Variants in EPHB1 observed in about 807,000 individuals in gnomAD.
EPHB1 encodes the protein EPH receptor B1.
EPHB1 carries 30 observed loss-of-function variants against 94.4 expected under a neutral mutation model. That is an observed-to-expected ratio of 0.32 (90% CI 0.24 to 0.43). The LOEUF (loss-of-function observed/expected upper bound fraction) is 0.43, where lower values mean the gene tolerates loss of function less well. Ranked by LOEUF, EPHB1 falls within the 20% of genes least tolerant of loss-of-function variation. The pLI is 1.00. For missense variants in EPHB1, 1,055 were observed against 1,308.3 expected (o/e 0.81, Z 2.99); for synonymous variants, 522 against 489.1 (o/e 1.07, Z -0.89).
chr3:134,879,140 G>T (rs1462141626), intron 1 of EPHB1, among the ~76,000 whole-genome samples: 6 of 152,168 alleles, frequency 3.9e-5, no homozygotes, highest in South Asian at 2.1e-4. Flanking sequence ...CTCCCCTTTT[G>T]CAGGAGGCGT....
At chr3:135,091,104 T>C (rs1938534507) in intron 3 of EPHB1, among the ~76,000 whole-genome samples, 1 of 152,250 alleles carries the variant, frequency 6.6e-6, no homozygotes, top group African/African-American at 2.4e-5. Flanking sequence ...AGAATGCAGC[T>C]CTTCCCTGAT....
chr3:134,933,382 C>T (rs1320526311), intron 2 of EPHB1, among the ~76,000 whole-genome samples: 1 of 152,176 alleles, frequency 6.6e-6, no homozygotes, highest in Non-Finnish European at 1.5e-5. Flanking sequence ...GCTTGAATCC[C>T]TCTCATGCTC....
At chr3:134,902,500 A>G (rs779561916) in intron 1 of EPHB1, among the ~76,000 whole-genome samples, 7 of 152,236 alleles carry the variant, frequency 4.6e-5, no homozygotes, top group East Asian at 1.9e-4. Flanking sequence ...GCATTTTAAT[A>G]TATGCAATAA....
At position 135,131,981 on chromosome 3, in the gene EPHB1, T is replaced by G. The variant is rs574303113; in HGVS notation, c.962-733T>G. ...TCCCCTTTCTATTAAATTGAGATAA[T>G]TATTTTATCTTCCTGGTAGGGGTCT... On this transcript the variant is annotated intron_variant, in intron 4 of 15. Transcript: ENST00000398015. Among the ~76,000 whole-genome samples, 18 of 152,292 alleles carry G rather than the reference T, an allele frequency of 1.2e-4. No homozygotes were observed. The East Asian group carries it at 3.5e-3, about 29-fold the overall frequency.
At chr3:134,931,907 GTATA>G (rs2038911818) in intron 2 of EPHB1, among the ~76,000 whole-genome samples, 1 of 152,014 alleles carries the variant, frequency 6.6e-6, no homozygotes, top group Admixed American at 6.6e-5. Flanking sequence ...TGTATATAGT[GTATA>G]TATGTATATG....
At chr3:135,067,243 T>A (rs542107006) in intron 3 of EPHB1, among the ~76,000 whole-genome samples, 1 of 151,878 alleles carries the variant, frequency 6.6e-6, no homozygotes, top group African/African-American at 2.4e-5. Context: ...GGGAAGGGGG[T>A]GCCTAGAACT....
chr3:135,042,769 C>T (rs1329181097), intron 3 of EPHB1, among the ~76,000 whole-genome samples: 1 of 152,228 alleles, frequency 6.6e-6, no homozygotes, highest in Non-Finnish European at 1.5e-5. Context: ...CATTATCCAA[C>T]TGATCACAGG....
At chr3:135,058,196 T>G (rs931422252) in intron 3 of EPHB1, among the ~76,000 whole-genome samples, 3 of 152,222 alleles carry the variant, frequency 2.0e-5, no homozygotes, top group Admixed American at 6.5e-5. Context: ...GGATGGTGCA[T>G]TCTGTCTGCC....
intron 4 of EPHB1, among the ~76,000 whole-genome samples, chr3:135,114,536 C>CCAAAAAA (rs1939595562): frequency 5.0e-5 from 1 of 19,908 alleles, no homozygotes; most frequent in African/African-American, 3.5e-4. Context: ...CCTGTCTCTA[C>CCAAAAAA]TAAAAAAAAA....
intron 3 of EPHB1, among the ~76,000 whole-genome samples, chr3:135,017,345 A>G (rs138873446): frequency 5.2e-5 from 8 of 152,388 alleles, no homozygotes; most frequent in African/African-American, 1.9e-4. Flanking sequence ...AGGGGAAATC[A>G]GATTTATCCT....
chr3:134,986,167 C>T (rs1230971381), intron 3 of EPHB1, among the ~76,000 whole-genome samples: 1 of 152,180 alleles, frequency 6.6e-6, no homozygotes, highest in African/African-American at 2.4e-5. Flanking sequence ...ATTCCACAAG[C>T]ACCGGGAGTG....
intron 9 of EPHB1, 112 bp from the exon 10 acceptor site, chr3:135,179,748 G>A: frequency 4.6e-6 from 6 of 1,304,632 alleles, no homozygotes; most frequent in Non-Finnish European, 5.3e-6. Context: ...TTGCAGCCTG[G>A]TGTGTAGGAG....
chr3:135,051,457 TAAC>T (rs1264215961), intron 3 of EPHB1, among the ~76,000 whole-genome samples: 5 of 152,354 alleles, frequency 3.3e-5, no homozygotes, highest in African/African-American at 1.2e-4. Context: ...ACTCTATTAA[TAAC>T]TTATTCCTTG....
At chr3:135,126,335 C>T (rs1940205212) in intron 4 of EPHB1, among the ~76,000 whole-genome samples, 1 of 152,082 alleles carries the variant, frequency 6.6e-6, no homozygotes, top group Admixed American at 6.6e-5. Context: ...CTGGCTTATT[C>T]CCAGACCCCA....
intron 1 of EPHB1, among the ~76,000 whole-genome samples, chr3:134,854,793 G>T (rs1462230593): frequency 2.0e-5 from 3 of 152,042 alleles, no homozygotes; most frequent in African/African-American, 7.2e-5. Flanking sequence ...ATGTCTTTAC[G>T]CTTGGTTTGG....
At chr3:134,977,149 T>G (rs1218039501) in intron 3 of EPHB1, among the ~76,000 whole-genome samples, 1 of 152,154 alleles carries the variant, frequency 6.6e-6, no homozygotes, top group Non-Finnish European at 1.5e-5. Flanking sequence ...CCACCCACAA[T>G]GTACACTAGA....
chr3:134,800,687 C>T (rs1473945243), intron 1 of EPHB1, among the ~76,000 whole-genome samples: 5 of 152,188 alleles, frequency 3.3e-5, no homozygotes, highest in Non-Finnish European at 7.3e-5. Flanking sequence ...CCCAACTCTG[C>T]ATTTGCTGAA....
At position 135,030,908 on chromosome 3, in the gene EPHB1, C is replaced by A. The variant is rs144802396; in HGVS notation, c.806-75540C>A. ...GGAGTAGGACCCTCGGAGCCAGGTG[C>A]GGCATGTAATCTCGTGGTGCGCCAT... On this transcript the variant is annotated intron_variant, in intron 3 of 15. Coordinates refer to ENST00000398015, the MANE Select transcript of EPHB1 (RefSeq NM_004441.5). 2.0e-3 allele frequency among the ~76,000 whole-genome samples: 299 copies of A among 152,308 alleles called. 1 individual carries two copies. The highest frequency in any genetic ancestry group is 6.8e-3 in the African/African-American group (281 of 41,572).
chr3:134,891,648 A>G (rs946048380), intron 1 of EPHB1, among the ~76,000 whole-genome samples: 1 of 152,214 alleles, frequency 6.6e-6, no homozygotes, highest in African/African-American at 2.4e-5. Flanking sequence ...TCTATTGTCA[A>G]ACCATCCTTG....
Sources: allele counts gnomAD v4.1 joint callset (sites outside exome capture counted in the v4.1 genomes callset), GRCh38; gene constraint gnomAD v4.1.1; transcripts MANE v1.5; gene names NCBI Gene and HGNC (gene_info 2026-07-23, HGNC 2026-07-21).